Variants in ATG3 observed in about 807,000 individuals in gnomAD.
ATG3 encodes ubiquitin-like-conjugating enzyme ATG3.
In ATG3, 25 loss-of-function variants were observed where a neutral mutation model predicts 50.7. That is an observed-to-expected ratio of 0.49 (90% CI 0.36 to 0.69). ATG3 has a LOEUF of 0.69. ATG3 is among the 30% of genes least tolerant of loss of function. The pLI, the probability that ATG3 is intolerant of heterozygous loss-of-function variation, is 0.00. For synonymous variants in ATG3, 119 were observed against 125.5 expected (o/e 0.95, Z 0.34); for missense variants, 281 against 376.0 (o/e 0.75, Z 2.09).
At chr3:112,534,234 AT>A in intron 11 of ATG3, 34 bp downstream of exon 11, 1 of 1,591,472 alleles carries the variant, frequency 6.3e-7, no homozygotes. Context: ...GTTAACAGCC[AT>A]TTTGCCACTA....
At chr3:112,545,326 A>C (rs1389995458) in intron 5 of ATG3, among the ~76,000 whole-genome samples, 1 of 152,282 alleles carries the variant, frequency 6.6e-6, no homozygotes, top group Non-Finnish European at 1.5e-5. Flanking sequence ...GCTAGATAAC[A>C]TTTCTACTTC....
At chr3:112,559,266 C>T (rs1045852313) in intron 1 of ATG3, among the ~76,000 whole-genome samples, 3 of 152,186 alleles carry the variant, frequency 2.0e-5, no homozygotes, top group Admixed American at 2.0e-4. Flanking sequence ...TACTGACACA[C>T]TATTCTCTAA....
At chr3:112,537,966 C>G in intron 8 of ATG3, 76 bp from the exon 9 acceptor site, 1 of 1,401,704 alleles carries the variant, frequency 7.1e-7, no homozygotes. Flanking sequence ...CTTATTTTTT[C>G]CATTCTATAT....
At chr3:112,533,095 C>T in intron 11 of ATG3, 1 of 1,005,946 alleles carries the variant, frequency 9.9e-7, no homozygotes, top group Non-Finnish European at 1.2e-6. Flanking sequence ...TACTCATTTA[C>T]TAGACTCCTT....
rs1031084244 is a variant in ATG3 at position 112,548,728 on chromosome 3, T to C, written c.236-88A>G. The C allele has an allele frequency of 4.2e-5, 48 of 1,133,340 alleles. 1 individual carries two copies. Among genetic ancestry groups the C allele is most frequent in the Admixed American group, 1.3e-4 (7 of 52,080 alleles). 70.2% of individuals were successfully genotyped at this position (1,133,340 alleles called of 1,614,324 possible). A position where few individuals can be genotyped will look rare whatever the true frequency, so the allele number is the denominator to read the frequency against. On this transcript the variant is annotated intron_variant, in intron 4 of 11. Transcript: ENST00000283290. ...AAAGAAGAGAGCTTAGTCCATAAAA[T>C]AGGGTGTTTATACCACCAAAGTACT...
chr3:112,543,991 G>T, intron 6 of ATG3, 66 bp downstream of exon 6: 1 of 1,200,396 alleles, frequency 8.3e-7, no homozygotes, highest in Non-Finnish European at 1.2e-6. Flanking sequence ...ATATGTGTGT[G>T]TATAGATAGA....
intron 10 of ATG3, chr3:112,535,318 G>A (rs536735592): frequency 2.6e-5 from 4 of 152,092 alleles, no homozygotes; most frequent in Non-Finnish European, 5.9e-5. Context: ...TGTCCTTGAA[G>A]TTTTATTTTA....
intron 5 of ATG3, among the ~76,000 whole-genome samples, chr3:112,545,456 ATCT>A (rs1217608036): frequency 3.9e-5 from 6 of 152,234 alleles, no homozygotes; most frequent in Non-Finnish European, 7.3e-5. Context: ...TCCTTTGTTA[ATCT>A]TCTAAAATTT....
rs1440680680 is a variant in ATG3, at chr3:112,561,819, T to A, written c.-291A>T. ...AGGGCAGCGGGGCCGAAGGGAGACC[T>A]GAGGTGAGAAGCGGACGCACACGCA... is the stretch of plus-strand genomic sequence containing the variant. On this transcript the variant is annotated 5_prime_UTR_variant, in exon 1 of 12. Transcript: ENST00000283290. The A allele has an allele frequency of 7.1e-6, 3 of 421,920 alleles. No individual in the cohort carries two copies. The highest frequency in any genetic ancestry group is 6.5e-5 in the African/African-American group (3 of 46,504). 26.1% of individuals were successfully genotyped at this position (421,920 alleles called of 1,614,324 possible).
chr3:112,548,401 T>G (rs1010180620), intron 5 of ATG3, 132 bp downstream of exon 5: 2 of 773,896 alleles, frequency 2.6e-6, no homozygotes, highest in Admixed American at 2.8e-5. Context: ...TTTGTCCTCC[T>G]GCTTTTTTCA....
intron 2 of ATG3, among the ~76,000 whole-genome samples, chr3:112,555,544 T>TA (rs2107389187): frequency 6.6e-6 from 1 of 152,268 alleles, no homozygotes; most frequent in African/African-American, 2.4e-5. Context: ...TTTTTGACAA[T>TA]ACAGTATCAG....
At chr3:112,543,932 G>T in intron 6 of ATG3, 125 bp downstream of exon 6, 1 of 622,872 alleles carries the variant, frequency 1.6e-6, no homozygotes, top group Non-Finnish European at 2.6e-6. Flanking sequence ...ATTTAAAAGA[G>T]CTTGATAATA....
At chr3:112,557,552 A>C (rs1031385170) in intron 2 of ATG3, among the ~76,000 whole-genome samples, 42 of 152,206 alleles carry the variant, frequency 2.8e-4, no homozygotes, top group Non-Finnish European at 1.0e-4. Context: ...CAGGAGGCAG[A>C]GGCTGCAGTG....
chr3:112,538,451 C>T (rs1040634094), intron 7 of ATG3: 4 of 297,012 alleles, frequency 1.3e-5, no homozygotes, highest in South Asian at 1.2e-4. Context: ...TCTGTAACTG[C>T]GTAGTCATCG....
intron 5 of ATG3, among the ~76,000 whole-genome samples, chr3:112,544,658 G>GAA (rs576984897): frequency 9.4e-5 from 6 of 64,104 alleles, no homozygotes; most frequent in East Asian, 8.8e-4. Flanking sequence ...CCGTCTCAGG[G>GAA]AAAAAAAAAA....
intron 7 of ATG3, 25 bp from the exon 8 acceptor site, chr3:112,538,205 TTAA>T: frequency 6.5e-7 from 1 of 1,542,410 alleles, no homozygotes; most frequent in Non-Finnish European, 8.8e-7. Flanking sequence ...CAACAAAAGA[TTAA>T]TCAAGTTCAA....
intron 1 of ATG3, among the ~76,000 whole-genome samples, 153 bp from the exon 2 acceptor site, chr3:112,558,570 C>G (rs557376475): frequency 1.1e-3 from 166 of 152,252 alleles, no homozygotes; most frequent in African/African-American, 3.8e-3. Context: ...TCTATCTAAT[C>G]TACCTATCTA....
intron 6 of ATG3, among the ~76,000 whole-genome samples, chr3:112,542,794 C>CA (rs1933266544): frequency 6.6e-6 from 1 of 151,908 alleles, no homozygotes; most frequent in African/African-American, 2.4e-5. Context: ...TTCTAAGTTA[C>CA]AAAAAATACT....
rs1014078655 is a variant in ATG3, at chr3:112,561,652, G to A, written c.-124C>T. 7 of 987,816 alleles carry A rather than the reference G, an allele frequency of 7.1e-6. No homozygotes were observed. In the African/African-American group the frequency reaches 8.3e-5, roughly 12 times the overall value. 61.2% of individuals were successfully genotyped at this position (987,816 alleles called of 1,614,324 possible). A position where few individuals can be genotyped will look rare whatever the true frequency, so the allele number is the denominator to read the frequency against. ...CATCAGCACCCGGCTGGCAGCACCC[G>A]AGGGGACGGGACGCGACGCGACGGG... On this transcript the variant is annotated 5_prime_UTR_variant, in exon 1 of 12. Coordinates refer to ENST00000283290, the MANE Select transcript of ATG3 (RefSeq NM_022488.5).
Sources: gnomAD v4.1 joint callset for allele counts (sites outside exome capture counted in the v4.1 genomes callset) on GRCh38, gnomAD v4.1.1 for gene constraint, MANE v1.5 for transcripts, NCBI Gene and HGNC (gene_info 2026-07-23, HGNC 2026-07-21) for gene names.